Variants in CECR2 observed in about 807,000 individuals in gnomAD.
CECR2 encodes chromatin remodeling regulator CECR2.
In CECR2, 30 loss-of-function variants were observed where a neutral mutation model predicts 154.5. That is an observed-to-expected ratio of 0.19 (90% CI 0.15 to 0.26). The LOEUF is 0.26. Among genes scored for constraint, CECR2 ranks in the 10% least tolerant of loss-of-function variants. The pLI, the probability that CECR2 is intolerant of heterozygous loss-of-function variation, is 1.00. For synonymous variants in CECR2, 725 were observed against 683.7 expected, an observed-to-expected ratio of 1.06 and a Z score of -0.94; for missense variants, 1,743 against 1,829.3, an observed-to-expected ratio of 0.95 and a Z score of 0.86.
intron 9 of CECR2, chr22:17,534,846 A>G (rs2056413363): frequency 7.4e-6 from 1 of 134,858 alleles, no homozygotes; most frequent in Admixed American, 7.3e-5. Context: ...AACAAGAGTG[A>G]AACTCTGTCT....
At chr22:17,527,423 A>T (rs2056283135) in intron 9 of CECR2, among the ~76,000 whole-genome samples, 1 of 152,022 alleles carries the variant, frequency 6.6e-6, no homozygotes, top group African/African-American at 2.4e-5. Context: ...ATGCCACTGC[A>T]CTCCATCCTG....
intron 14 of CECR2, among the ~76,000 whole-genome samples, chr22:17,541,026 C>T (rs2056515431): frequency 6.6e-6 from 1 of 152,226 alleles, no homozygotes; most frequent in African/African-American, 2.4e-5. Context: ...TCAAACAGTC[C>T]TTCTGCCTCA....
At chr22:17,397,161 G>C (rs529517038) in intron 1 of CECR2, among the ~76,000 whole-genome samples, 1 of 151,976 alleles carries the variant, frequency 6.6e-6, no homozygotes, top group African/African-American at 2.4e-5. Context: ...TTGTGAGACA[G>C]ATTCTGGCTC....
intron 1 of CECR2, among the ~76,000 whole-genome samples, chr22:17,390,821 AAG>A (rs772304620): frequency 1.4e-5 from 2 of 140,274 alleles, no homozygotes; most frequent in Non-Finnish European, 1.5e-5. Context: ...AATTTATAAA[AAG>A]ACTTTGATTT....
intron 2 of CECR2, among the ~76,000 whole-genome samples, chr22:17,480,419 TACACACACACACACACACACAC>T (rs55977287): frequency 2.2e-5 from 3 of 137,340 alleles, no homozygotes; most frequent in African/African-American, 8.0e-5. Flanking sequence ...TCATGTATAA[TACACACACACACACACACACAC>T]ACACACACAC....
intron 7 of CECR2, among the ~76,000 whole-genome samples, chr22:17,510,585 C>G (rs761701585): frequency 1.3e-5 from 2 of 152,066 alleles, no homozygotes; most frequent in African/African-American, 2.4e-5. Flanking sequence ...TTGCATTAGG[C>G]ACTAGTCATT....
chr22:17,434,101 CACTT>C (rs1372173680), intron 1 of CECR2, among the ~76,000 whole-genome samples: 2 of 129,954 alleles, frequency 1.5e-5, no homozygotes, highest in Admixed American at 7.2e-5. Flanking sequence ...TAACGTATTT[CACTT>C]ACTTACTCTG....
intron 12 of CECR2, 121 bp from the exon 13 acceptor site, chr22:17,538,872 T>A: frequency 7.4e-7 from 1 of 1,349,502 alleles, no homozygotes; most frequent in Non-Finnish European, 1.0e-6. Flanking sequence ...GTTTCTCGTT[T>A]TATCTGTTAT....
intron 8 of CECR2, among the ~76,000 whole-genome samples, chr22:17,517,757 T>G (rs888307036): frequency 1.2e-4 from 18 of 152,218 alleles, no homozygotes; most frequent in African/African-American, 4.1e-4. Flanking sequence ...TAGGAGAGCT[T>G]CTTAAAGTAG....
intron 1 of CECR2, among the ~76,000 whole-genome samples, chr22:17,370,748 G>T (rs1188464620): frequency 6.6e-6 from 1 of 152,188 alleles, no homozygotes; most frequent in African/African-American, 2.4e-5. Flanking sequence ...GCGGGAGCTT[G>T]CGGAGCGCGG....
At chr22:17,435,865 A>C (rs2054499016) in intron 1 of CECR2, among the ~76,000 whole-genome samples, 1 of 152,118 alleles carries the variant, frequency 6.6e-6, no homozygotes, top group South Asian at 2.1e-4. Context: ...ATAGCTATGA[A>C]TTATCAGTCA....
upstream of CECR2, among the ~76,000 whole-genome samples, chr22:17,367,493 C>A (rs183123334): frequency 3.2e-4 from 49 of 152,142 alleles, no homozygotes; most frequent in East Asian, 6.2e-3. Flanking sequence ...TCAGGCGATT[C>A]TCCTGCCTCA....
intron 8 of CECR2, among the ~76,000 whole-genome samples, chr22:17,516,900 G>A (rs2056067015): frequency 6.7e-6 from 1 of 149,500 alleles, no homozygotes; most frequent in South Asian, 2.1e-4. Flanking sequence ...AGCTGATCTG[G>A]TTGTTTATTG....
chr22:17,475,190 G>A (rs953125754), intron 1 of CECR2, among the ~76,000 whole-genome samples: 6 of 152,198 alleles, frequency 3.9e-5, no homozygotes, highest in Non-Finnish European at 8.8e-5. Context: ...CTGCAGTACA[G>A]TTCAGCAGAG....
intron 1 of CECR2, among the ~76,000 whole-genome samples, chr22:17,414,029 G>T (rs1411451136): frequency 1.3e-5 from 2 of 149,414 alleles, no homozygotes; most frequent in African/African-American, 4.9e-5. Flanking sequence ...CTGGAGTGTG[G>T]TGGTGCAATC....
chr22:17,408,366 A>G (rs1189523070), intron 1 of CECR2, among the ~76,000 whole-genome samples: 1 of 152,126 alleles, frequency 6.6e-6, no homozygotes, highest in Non-Finnish European at 1.5e-5. Context: ...TCCTCTTGCT[A>G]GCTGTGTGAT....
intron 1 of CECR2, among the ~76,000 whole-genome samples, chr22:17,455,921 T>C (rs1384465707): frequency 2.0e-5 from 3 of 152,194 alleles, no homozygotes; most frequent in African/African-American, 4.8e-5. Context: ...CCTCACACTT[T>C]CTGTGGCTCA....
intron 1 of CECR2, among the ~76,000 whole-genome samples, chr22:17,381,926 C>T (rs1042709230): frequency 8.0e-5 from 12 of 150,838 alleles, no homozygotes; most frequent in South Asian, 2.1e-4. Context: ...CTCACTCTGT[C>T]ACCCAGGCTG....
chr22:17,514,799 C>T (rs2056020917), intron 8 of CECR2, among the ~76,000 whole-genome samples: 1 of 152,100 alleles, frequency 6.6e-6, no homozygotes, highest in South Asian at 2.1e-4. Context: ...TTTGGGAGGC[C>T]GAGTTGGGCA....
Sources: allele counts gnomAD v4.1 joint callset (sites outside exome capture counted in the v4.1 genomes callset), GRCh38; gene constraint gnomAD v4.1.1; transcripts MANE v1.5; gene names NCBI Gene and HGNC (gene_info 2026-07-23, HGNC 2026-07-21).